The following FHOD3 variants were observed in gnomAD, a reference collection of about 807,000 sequenced individuals.
FHOD3 encodes the protein FH1/FH2 domain-containing protein 3.
FHOD3 carries 90 observed loss-of-function variants against 173.0 expected under a neutral mutation model. The ratio of observed to expected loss-of-function variants is 0.52; its 90% CI spans 0.44 to 0.62. FHOD3 has a LOEUF of 0.62. Among genes scored for constraint, FHOD3 ranks in the 20% least tolerant of loss-of-function variants. The pLI is 0.00. For missense variants in FHOD3, 1,945 were observed against 2,034.7 expected, an observed-to-expected ratio of 0.96 and a Z score of 0.85; for synonymous variants, 828 against 823.0, an observed-to-expected ratio of 1.01 and a Z score of -0.10.
At chr18:36,329,798 A>T (rs1045179823) in intron 1 of FHOD3, among the ~76,000 whole-genome samples, 9 of 137,582 alleles carry the variant, frequency 6.5e-5, no homozygotes, top group Admixed American at 1.5e-4. Context: ...TCCCAACAGG[A>T]GAGGGAATTC....
chr18:36,321,278 C>T (rs1456872648), intron 1 of FHOD3, among the ~76,000 whole-genome samples: 2 of 152,074 alleles, frequency 1.3e-5, no homozygotes, highest in African/African-American at 4.8e-5. Context: ...CCCATCTGTG[C>T]TCTTGTGGGC....
chr18:36,714,557 G>A (rs2040347747), intron 18 of FHOD3, among the ~76,000 whole-genome samples: 1 of 152,090 alleles, frequency 6.6e-6, no homozygotes, highest in Non-Finnish European at 1.5e-5. Context: ...AATATTACCT[G>A]ATTATATTAT....
At chr18:36,746,823 T>C in intron 23 of FHOD3, 122 bp from the exon 24 acceptor site, 5 of 647,526 alleles carry the variant, frequency 7.7e-6, no homozygotes, top group Non-Finnish European at 1.3e-5. Context: ...GTAAATATGT[T>C]TGCATTTCAA....
At chr18:36,332,602 G>A (rs1156794261) in intron 1 of FHOD3, among the ~76,000 whole-genome samples, 1 of 152,192 alleles carries the variant, frequency 6.6e-6, no homozygotes, top group Non-Finnish European at 1.5e-5. Context: ...TGAAACACTT[G>A]ACCGGTGTCT....
chr18:36,546,772 G>A (rs375436175), intron 5 of FHOD3, among the ~76,000 whole-genome samples: 39 of 152,322 alleles, frequency 2.6e-4, no homozygotes, highest in African/African-American at 8.7e-4. Flanking sequence ...CCAGAGCTGT[G>A]AGGGGACACA....
At chr18:36,633,469 A>C (rs1335630234) in intron 10 of FHOD3, among the ~76,000 whole-genome samples, 11 of 152,190 alleles carry the variant, frequency 7.2e-5, no homozygotes, top group African/African-American at 2.7e-4. Context: ...GCATTTATGG[A>C]GGATTAACTT....
chr18:36,446,384 T>A (rs1312643687), intron 3 of FHOD3, among the ~76,000 whole-genome samples: 4 of 150,950 alleles, frequency 2.6e-5, no homozygotes, highest in African/African-American at 9.7e-5. Context: ...TAATTTCTCC[T>A]ACTCAGCAGC....
intron 3 of FHOD3, among the ~76,000 whole-genome samples, chr18:36,380,578 T>TTTCCTTTCCTTTCC (rs2047715673): frequency 2.5e-3 from 131 of 52,452 alleles, no homozygotes; most frequent in Admixed American, 0.015. Flanking sequence ...TTTTCTTTTC[T>TTTCCTTTCCTTTCC]TTTCCTTTCC....
intron 5 of FHOD3, among the ~76,000 whole-genome samples, chr18:36,524,294 A>G (rs982866679): frequency 5.9e-5 from 9 of 152,042 alleles, no homozygotes; most frequent in South Asian, 2.1e-4. Flanking sequence ...AAAAAAAAAA[A>G]AAAAGAAAAG....
chr18:36,502,322 A>G (rs539429638), intron 4 of FHOD3, among the ~76,000 whole-genome samples: 4 of 151,688 alleles, frequency 2.6e-5, no homozygotes, highest in Admixed American at 2.0e-4. Flanking sequence ...ACAGGCATAC[A>G]TGTGCCATGG....
At chr18:36,682,333 C>T (rs970759542) in intron 15 of FHOD3, among the ~76,000 whole-genome samples, 8 of 152,134 alleles carry the variant, frequency 5.3e-5, no homozygotes, top group African/African-American at 1.9e-4. Flanking sequence ...TTCCTTATAT[C>T]CTTTTTCCCT....
At chr18:36,708,436 G>A (rs1174632730) in intron 17 of FHOD3, among the ~76,000 whole-genome samples, 2 of 152,206 alleles carry the variant, frequency 1.3e-5, no homozygotes, top group East Asian at 3.8e-4. Context: ...TCGTATTGCT[G>A]TGTAACAAGT....
At chr18:36,582,301 C>A (rs927258091) in intron 6 of FHOD3, among the ~76,000 whole-genome samples, 2 of 152,096 alleles carry the variant, frequency 1.3e-5, no homozygotes, top group African/African-American at 4.8e-5. Flanking sequence ...GCTCAGATGA[C>A]CCAAATATGG....
At chr18:36,449,116 T>C (rs1055941900) in intron 3 of FHOD3, among the ~76,000 whole-genome samples, 4 of 152,110 alleles carry the variant, frequency 2.6e-5, no homozygotes, top group Non-Finnish European at 5.9e-5. Flanking sequence ...TCCCTAATAG[T>C]AGAGCTTCAG....
At chr18:36,700,590 C>T (rs2039526446) in intron 17 of FHOD3, among the ~76,000 whole-genome samples, 1 of 152,170 alleles carries the variant, frequency 6.6e-6, no homozygotes, top group Non-Finnish European at 1.5e-5. Flanking sequence ...GTCCTGGCCT[C>T]AACCATCTCT....
intron 1 of FHOD3, among the ~76,000 whole-genome samples, chr18:36,316,339 C>A (rs1327475619): frequency 6.6e-6 from 1 of 152,118 alleles, no homozygotes; most frequent in African/African-American, 2.4e-5. Flanking sequence ...CTTCTGCCTC[C>A]TGGGGTGTGT....
intron 3 of FHOD3, among the ~76,000 whole-genome samples, chr18:36,471,236 C>T (rs925386891): frequency 1.4e-4 from 21 of 152,248 alleles, no homozygotes; most frequent in African/African-American, 3.9e-4. Context: ...TAGGAGTGTC[C>T]TGAGCTGGTG....
At chr18:36,309,787 G>A (rs2092205882) in intron 1 of FHOD3, among the ~76,000 whole-genome samples, 1 of 152,210 alleles carries the variant, frequency 6.6e-6, no homozygotes, top group African/African-American at 2.4e-5. Flanking sequence ...TCCCAGAACT[G>A]AGTGCATTTT....
intron 1 of FHOD3, among the ~76,000 whole-genome samples, chr18:36,302,214 T>C (rs1460479467): frequency 6.6e-6 from 1 of 152,186 alleles, no homozygotes; most frequent in Non-Finnish European, 1.5e-5. Context: ...TGGATTAGCC[T>C]TGAGTGTACT....
Sources: allele counts gnomAD v4.1 joint callset (sites outside exome capture counted in the v4.1 genomes callset), GRCh38; gene constraint gnomAD v4.1.1; transcripts MANE v1.5; gene names NCBI Gene and HGNC (gene_info 2026-07-23, HGNC 2026-07-21).